The following ZNF33A variants were observed in gnomAD, a reference collection of about 807,000 sequenced individuals.
ZNF33A encodes the protein zinc finger protein 33A, also known as brain my041 protein.
Under a neutral mutation model 15.9 loss-of-function variants are expected in ZNF33A, and 9 were observed. The ratio of observed to expected loss-of-function variants is 0.57; its 90% CI spans 0.34 to 0.99. ZNF33A has a LOEUF of 0.99. Ranked by LOEUF, ZNF33A falls within the 50% of genes least tolerant of loss-of-function variation. The pLI is 0.02. For missense variants in ZNF33A, 843 were observed against 941.6 expected, an observed-to-expected ratio of 0.90 and a Z score of 1.37; for synonymous variants, 294 against 324.2, an observed-to-expected ratio of 0.91 and a Z score of 1.00.
At chr10:38,024,430 T>G (rs1045123301) in intron 4 of ZNF33A, among the ~76,000 whole-genome samples, 4 of 152,204 alleles carry the variant, frequency 2.6e-5, no homozygotes, top group Non-Finnish European at 4.4e-5. Flanking sequence ...TGAAGACACA[T>G]GGTCTCTTGA....
intron 4 of ZNF33A, among the ~76,000 whole-genome samples, chr10:38,023,646 G>A (rs1205930581): frequency 5.9e-5 from 9 of 152,268 alleles, no homozygotes; most frequent in Non-Finnish European, 1.2e-4. Context: ...AATATTTATA[G>A]CAAATATATT....
chr10:38,057,116 G>A lies in ZNF33A; in HGVS notation c.*556G>A. 1 of 710,412 alleles carries A rather than the reference G, an allele frequency of 1.4e-6. No individual in the cohort carries two copies. The highest frequency in any genetic ancestry group is 1.7e-6 in the Non-Finnish European group (1 of 578,062). 44.0% of individuals were successfully genotyped at this position (710,412 alleles called of 1,614,324 possible). A position where few individuals can be genotyped will look rare whatever the true frequency, so the allele number is the denominator to read the frequency against. ...TTACTATGGTTTGCATGCACTCTGT[G>A]TGTGTGTGTACGTGTATGTGTGTGT... On this transcript the variant is annotated 3_prime_UTR_variant, in exon 5 of 5. Transcript: ENST00000432900.
rs530022146 is a variant in ZNF33A, at chr10:38,056,827, C to T, written c.*267C>T. 61 of 1,131,618 alleles carry T rather than the reference C, an allele frequency of 5.4e-5. No homozygotes were observed. The highest frequency in any genetic ancestry group is 2.3e-4 in the African/African-American group (14 of 61,896). 70.1% of individuals were successfully genotyped at this position (1,131,618 alleles called of 1,614,324 possible). On this transcript the variant is annotated 3_prime_UTR_variant, in exon 5 of 5. Transcript: ENST00000432900. ...GAAAATTTTGCTTAGAAATAAAATA[C>T]GACAAGTTATGTTTTGAGTTTGATG...
downstream of ZNF33A, among the ~76,000 whole-genome samples, chr10:38,065,949 C>G (rs2066706398): frequency 6.6e-6 from 1 of 152,062 alleles, no homozygotes; most frequent in South Asian, 2.1e-4. Context: ...GCCTCGGCCT[C>G]CAAAAGTGCT....
upstream of ZNF33A, chr10:38,010,639 G>C (rs1365580533): frequency 2.1e-6 from 3 of 1,430,014 alleles, no homozygotes; most frequent in Non-Finnish European, 2.9e-6. Context: ...TGTGCGCGTG[G>C]GCTCTGCGCA....
chr10:38,017,489 C>T, intron 4 of ZNF33A, 103 bp downstream of exon 4: 1 of 808,660 alleles, frequency 1.2e-6, no homozygotes, highest in Non-Finnish European at 2.1e-6. Flanking sequence ...AGAACATCTC[C>T]ATAGGGATCC....
intron 4 of ZNF33A, among the ~76,000 whole-genome samples, chr10:38,046,464 C>T (rs1360062542): frequency 1.3e-5 from 2 of 152,094 alleles, no homozygotes; most frequent in African/African-American, 2.4e-5. Context: ...GAGCACTGCT[C>T]CAGATTTGCC....
At chr10:38,044,213 T>TC (rs1213677203) in intron 4 of ZNF33A, among the ~76,000 whole-genome samples, 2 of 150,390 alleles carry the variant, frequency 1.3e-5, no homozygotes, top group Admixed American at 6.6e-5. Context: ...TCTTTCTTTT[T>TC]TTTTTTTTTT....
downstream of ZNF33A, chr10:38,064,152 T>G: frequency 1.3e-6 from 2 of 1,586,420 alleles, no homozygotes; most frequent in Non-Finnish European, 1.7e-6. Flanking sequence ...GACTCTGCAC[T>G]GCCTGCCACA....
rs2066614808 is a variant in ZNF33A at position 38,059,509 on chromosome 10, A to C, written c.*2949A>C. On this transcript the variant is annotated 3_prime_UTR_variant, in exon 5 of 5. Transcript: ENST00000432900. ...TAAGCAATTACAGCAGGATTGCAGG[A>C]TACAGTCCTCAGGTAGATGATAAAA... 1 of 152,266 alleles carries C rather than the reference A, an allele frequency of 6.6e-6. No individual in the cohort carries two copies. The highest frequency in any genetic ancestry group is 2.1e-4 in the South Asian group (1 of 4,838). 9.4% of individuals were successfully genotyped at this position (152,266 alleles called of 1,614,324 possible).
intron 4 of ZNF33A, among the ~76,000 whole-genome samples, chr10:38,019,126 C>T (rs1193656575): frequency 6.6e-6 from 1 of 151,576 alleles, no homozygotes; most frequent in Admixed American, 6.6e-5. Context: ...CTAATGCTAT[C>T]CCTCCCCACT....
At chr10:38,017,051 T>C in intron 3 of ZNF33A, 36 bp downstream of exon 3, 1 of 1,583,666 alleles carries the variant, frequency 6.3e-7, no homozygotes, top group Non-Finnish European at 8.6e-7. Context: ...TAAATAGCAT[T>C]TGTTTATTCT....
rs1370614852 is a variant in ZNF33A at position 38,056,703 on chromosome 10, A to AT, written c.*151dup. The AT allele has an allele frequency of 4.8e-6, 6 of 1,256,098 alleles. No homozygotes were observed. The highest frequency in any genetic ancestry group is 2.0e-6 in the Non-Finnish European group (2 of 1,000,092). 77.8% of individuals were successfully genotyped at this position (1,256,098 alleles called of 1,614,324 possible). A position where few individuals can be genotyped will look rare whatever the true frequency, so the allele number is the denominator to read the frequency against. On this transcript the variant is annotated 3_prime_UTR_variant, in exon 5 of 5. Coordinates refer to ENST00000432900, the MANE Select transcript of ZNF33A (RefSeq NM_006954.2). ...TTAATACGGGCATAACACCTTACAG[A>AT]TTTTTTTTGAATTTGTGAAAGTTTT... is the stretch of plus-strand genomic sequence containing the variant.
At chr10:38,035,792 A>T (rs2065425685) in intron 4 of ZNF33A, among the ~76,000 whole-genome samples, 1 of 152,220 alleles carries the variant, frequency 6.6e-6, no homozygotes, top group Non-Finnish European at 1.5e-5. Flanking sequence ...GACCAATATC[A>T]GTTAAAGAAA....
chr10:38,054,109 C>T (rs183057791), intron 4 of ZNF33A, among the ~76,000 whole-genome samples: 108 of 152,324 alleles, frequency 7.1e-4, no homozygotes, highest in Non-Finnish European at 1.1e-3. Context: ...TATTATTCTT[C>T]TTACACTAGA....
intron 4 of ZNF33A, among the ~76,000 whole-genome samples, chr10:38,032,577 G>C (rs1015473676): frequency 1.3e-5 from 2 of 151,976 alleles, no homozygotes; most frequent in Non-Finnish European, 2.9e-5. Context: ...CTGAGTAGCT[G>C]GGATTACACA....
downstream of ZNF33A, among the ~76,000 whole-genome samples, chr10:38,061,423 G>A (rs1433820823): frequency 1.3e-5 from 2 of 152,174 alleles, no homozygotes; most frequent in African/African-American, 2.4e-5. Flanking sequence ...ACCAGAGGAA[G>A]TAATCTCTGT....
At chr10:38,033,769 G>A (rs192990999) in intron 4 of ZNF33A, among the ~76,000 whole-genome samples, 64 of 150,976 alleles carry the variant, frequency 4.2e-4, no homozygotes, top group African/African-American at 1.5e-3. Context: ...GCTGGAGTGC[G>A]GTGGTGGGAT....
At chr10:38,031,735 C>T (rs1002601875) in intron 4 of ZNF33A, among the ~76,000 whole-genome samples, 4 of 151,812 alleles carry the variant, frequency 2.6e-5, no homozygotes, top group Non-Finnish European at 5.9e-5. Flanking sequence ...GAGGCTGAGG[C>T]GGGCAGATCA....
Sources: allele counts gnomAD v4.1 joint callset (sites outside exome capture counted in the v4.1 genomes callset), GRCh38; gene constraint gnomAD v4.1.1; transcripts MANE v1.5; gene names NCBI Gene and HGNC (gene_info 2026-07-23, HGNC 2026-07-21).